Variants in TTC34 observed in about 807,000 individuals in gnomAD.
TTC34 encodes tetratricopeptide repeat domain 34.
A neutral mutation model predicts 40.7 loss-of-function variants in TTC34; 44 were observed. That is an observed-to-expected ratio of 1.08 (90% CI 0.85 to 1.39). TTC34 has a LOEUF of 1.39. TTC34 is among the 40% of genes most tolerant of loss of function. TTC34 has a pLI of 0.00. For synonymous variants in TTC34, 422 were observed against 398.6 expected (o/e 1.06, Z -0.70); for missense variants, 884 against 838.0 (o/e 1.05, Z -0.68).
intron 6 of TTC34, among the ~76,000 whole-genome samples, chr1:2,769,834 C>G (rs1426274408): frequency 3.4e-5 from 4 of 117,368 alleles, no homozygotes; most frequent in Admixed American, 1.6e-4. Context: ...CGCCCACAAT[C>G]CCAGGTTAGC....
chr1:2,780,596 A>G (rs1643466841), intron 6 of TTC34, among the ~76,000 whole-genome samples: 1 of 152,110 alleles, frequency 6.6e-6, no homozygotes, highest in African/African-American at 2.4e-5. Flanking sequence ...TGGACTCTCT[A>G]TTCTGTTTCA....
chr1:2,651,030 T>TC (rs1471700922), intron 6 of TTC34, among the ~76,000 whole-genome samples: 1 of 141,722 alleles, frequency 7.1e-6, no homozygotes, highest in Non-Finnish European at 1.5e-5. Context: ...CTCCACGCCT[T>TC]CGGGGGGGCA....
intron 6 of TTC34, among the ~76,000 whole-genome samples, chr1:2,751,369 C>G (rs1352518358): frequency 7.4e-6 from 1 of 135,428 alleles, no homozygotes; most frequent in African/African-American, 2.9e-5. Flanking sequence ...ACCCACACCC[C>G]CAGGTGCGCA....
intron 2 of TTC34, among the ~76,000 whole-genome samples, chr1:2,794,493 C>T (rs1448882298): frequency 6.6e-6 from 1 of 152,082 alleles, no homozygotes; most frequent in Non-Finnish European, 1.5e-5. Flanking sequence ...ATGTCTAATA[C>T]CTTTTTGTTG....
intron 6 of TTC34, among the ~76,000 whole-genome samples, chr1:2,690,459 A>AC (rs1640566742): frequency 9.4e-6 from 1 of 105,848 alleles, no homozygotes. Flanking sequence ...AGCACCCACA[A>AC]CCACAGGTGA....
chr1:2,692,550 G>A, intron 6 of TTC34, among the ~76,000 whole-genome samples: 1 of 147,404 alleles, frequency 6.8e-6, no homozygotes, highest in South Asian at 2.1e-4. Flanking sequence ...CACACCCCCA[G>A]GCGAGCATCG....
intron 6 of TTC34, among the ~76,000 whole-genome samples, chr1:2,662,718 AC>A (rs1639595859): frequency 2.3e-5 from 1 of 43,618 alleles, no homozygotes; most frequent in Non-Finnish European, 5.6e-5. Flanking sequence ...AGCACCCACA[AC>A]CCCAGGTGAG....
At chr1:2,655,056 C>A (rs1369335800) in intron 6 of TTC34, among the ~76,000 whole-genome samples, 5 of 152,022 alleles carry the variant, frequency 3.3e-5, no homozygotes, top group African/African-American at 1.2e-4. Context: ...CGCTGCACCC[C>A]CAAGTGAGCA....
At chr1:2,676,919 C>A (rs374420118) in intron 6 of TTC34, among the ~76,000 whole-genome samples, 3 of 141,808 alleles carry the variant, frequency 2.1e-5, no homozygotes, top group South Asian at 4.7e-4. Context: ...CCTGGAGCAG[C>A]ACCCACACCC....
At chr1:2,656,370 C>CCTG (rs1557589960) in intron 6 of TTC34, among the ~76,000 whole-genome samples, 73 of 98,568 alleles carry the variant, frequency 7.4e-4, no homozygotes, top group South Asian at 1.7e-3. Context: ...GGAACAGCAC[C>CCTG]CACACCCACA....
intron 6 of TTC34, among the ~76,000 whole-genome samples, chr1:2,677,791 C>CTGGAACG (rs1557602023): frequency 1.5e-4 from 1 of 6,742 alleles, no homozygotes; most frequent in Admixed American, 2.2e-3. Flanking sequence ...AGCATCTGAC[C>CTGGAACG]GCATCACATG....
intron 6 of TTC34, among the ~76,000 whole-genome samples, chr1:2,695,713 C>A (rs555653989): frequency 7.5e-4 from 101 of 134,796 alleles, no homozygotes; most frequent in African/African-American, 2.9e-3. Flanking sequence ...ACAGCACCCA[C>A]ACCCCCAGGT....
rs569716284 is a variant in TTC34 at position 2,777,647 on chromosome 1, C to A, written c.2226+5962G>T. ...CTGAGTCAGAGCTCACAGCCTTGAG[C>A]CTGTGCCATGCCTCCTCTCAGGGTG... On this transcript the variant is annotated intron_variant, in intron 6 of 8. Coordinates refer to ENST00000401095, the Ensembl canonical transcript of TTC34. 2.0e-4 allele frequency among the ~76,000 whole-genome samples: 30 copies of A among 146,354 alleles called. No individual in the cohort carries two copies. In the East Asian group the frequency reaches 6.1e-3, roughly 30 times the overall value.
At chr1:2,749,543 C>A (rs1232169612) in intron 6 of TTC34, among the ~76,000 whole-genome samples, 2 of 24,824 alleles carry the variant, frequency 8.1e-5, no homozygotes, top group Admixed American at 3.8e-4. Context: ...AGCATCTGAA[C>A]GCAAATAGCA....
chr1:2,687,094 A>G (rs61765674), intron 6 of TTC34, among the ~76,000 whole-genome samples: 1,953 of 23,892 alleles, frequency 0.082, no homozygotes, highest in Admixed American at 0.14. Context: ...CCCCAGGTGA[A>G]CATCCGACAT....
chr1:2,789,371 C>T (rs1270024910), intron 3 of TTC34, 132 bp downstream of exon 3: 2 of 862,116 alleles, frequency 2.3e-6, no homozygotes, highest in Non-Finnish European at 3.4e-6. Context: ...AGACCTGCCT[C>T]GGGTGCTTTG....
chr1:2,650,596 A>G (rs558662246), intron 6 of TTC34, among the ~76,000 whole-genome samples: 1 of 147,694 alleles, frequency 6.8e-6, no homozygotes, highest in East Asian at 2.1e-4. Flanking sequence ...TGAGGTGAGA[A>G]TCTGACAGCC....
intron 6 of TTC34, among the ~76,000 whole-genome samples, chr1:2,681,618 AGCC>A (rs1640078222): frequency 1.7e-5 from 1 of 58,610 alleles, no homozygotes; most frequent in African/African-American, 6.6e-5. Context: ...CTGGAACCGC[AGCC>A]ACACCCCCAG....
At chr1:2,751,703 C>T (rs1449198513) in intron 6 of TTC34, among the ~76,000 whole-genome samples, 36 of 100,104 alleles carry the variant, frequency 3.6e-4, no homozygotes, top group Admixed American at 5.0e-4. Flanking sequence ...AGCGAGCATC[C>T]GACAGCCTGG....
Sources: allele counts gnomAD v4.1 joint callset (sites outside exome capture counted in the v4.1 genomes callset), GRCh38; gene constraint gnomAD v4.1.1; transcripts MANE v1.5; gene names NCBI Gene and HGNC (gene_info 2026-07-23, HGNC 2026-07-21).